Variants in TMTC1 observed in about 807,000 individuals in gnomAD.
TMTC1 encodes the protein transmembrane O-mannosyltransferase targeting cadherins 1.
TMTC1 carries 73 observed loss-of-function variants against 104.8 expected under a neutral mutation model. That is an observed-to-expected ratio of 0.70 (90% CI 0.58 to 0.85). TMTC1 has a LOEUF of 0.85. Among genes scored for constraint, TMTC1 ranks in the 40% least tolerant of loss-of-function variants. The pLI is 0.00. For missense variants in TMTC1, 1,035 were observed against 1,096.1 expected (o/e 0.94, Z 0.79); for synonymous variants, 434 against 428.7 (o/e 1.01, Z -0.15).
intron 5 of TMTC1, among the ~76,000 whole-genome samples, chr12:29,741,455 G>A (rs1044851461): frequency 2.0e-5 from 3 of 152,136 alleles, no homozygotes; most frequent in South Asian, 2.1e-4. Context: ...ATCAAATGAC[G>A]TGAGGCCAAC....
chr12:29,588,974 A>G (rs1234792109), intron 7 of TMTC1, among the ~76,000 whole-genome samples: 1 of 152,192 alleles, frequency 6.6e-6, no homozygotes, highest in Non-Finnish European at 1.5e-5. Flanking sequence ...GCCAAAAGGA[A>G]AAAAAATTAA....
chr12:29,514,810 C>T (rs1343613104), intron 15 of TMTC1, among the ~76,000 whole-genome samples: 3 of 151,966 alleles, frequency 2.0e-5, no homozygotes, highest in Admixed American at 6.6e-5. Flanking sequence ...CCCAGTAGCT[C>T]GAGATCAGTC....
intron 5 of TMTC1, chr12:29,666,303 C>T (rs1254865200): frequency 2.6e-6 from 1 of 381,468 alleles, no homozygotes; most frequent in Non-Finnish European, 5.0e-6. Flanking sequence ...TCTCGGCTCA[C>T]TGCAAGCTCC....
At position 29,718,889 on chromosome 12, in the gene TMTC1, C is replaced by T. The variant is rs938508955; in HGVS notation, c.938+32777G>A. ...CGGAGCTTGCAGTGAGCTGAGATCG[C>T]GCCACTGCACTCCAGCCTGGGTGAC... On this transcript the variant is annotated intron_variant, in intron 5 of 17. Transcript: ENST00000539277. Among the ~76,000 whole-genome samples, 9 of 148,252 alleles carry T rather than the reference C, an allele frequency of 6.1e-5. 1 individual carries two copies. Among genetic ancestry groups the T allele is most frequent in the Non-Finnish European group, 5.9e-5 (4 of 67,488 alleles).
rs79803937 is a variant in TMTC1 at position 29,563,328 on chromosome 12, G to T, written c.1533-6328C>A. Among the ~76,000 whole-genome samples, 1,021 of 152,314 alleles carry T rather than the reference G, an allele frequency of 6.7e-3. 22 individuals carry two copies. The highest frequency in any genetic ancestry group is 0.054 in the East Asian group (281 of 5,178). On this transcript the variant is annotated intron_variant, in intron 9 of 17. Transcript: ENST00000539277. The stretch of plus-strand genomic sequence containing the variant: ...AATCCTGTGTGGTTTCTGTGTGACA[G>T]ATCAGTGTGCACCTGGGATCCTTGT...
At chr12:29,646,262 C>T (rs574277569) in intron 5 of TMTC1, among the ~76,000 whole-genome samples, 103 of 152,276 alleles carry the variant, frequency 6.8e-4, no homozygotes, top group African/African-American at 2.2e-3. Flanking sequence ...TCTCCTCTAA[C>T]GACACATCAA....
At chr12:29,585,055 A>G (rs557388683) in intron 7 of TMTC1, among the ~76,000 whole-genome samples, 24 of 149,824 alleles carry the variant, frequency 1.6e-4, no homozygotes, top group African/African-American at 5.4e-4. Context: ...CAGTCCCACC[A>G]ACAGTGTAAA....
chr12:29,542,830 G>A (rs1431428268), intron 10 of TMTC1, among the ~76,000 whole-genome samples: 1 of 152,112 alleles, frequency 6.6e-6, no homozygotes. Context: ...GCAGGATGGG[G>A]TTGGGCAGAG....
chr12:29,760,058 T>C (rs1305417971), intron 2 of TMTC1, among the ~76,000 whole-genome samples: 2 of 152,162 alleles, frequency 1.3e-5, no homozygotes, highest in Non-Finnish European at 2.9e-5. Flanking sequence ...ACACAAATAC[T>C]TACCATTGTG....
At chr12:29,583,912 G>C (rs1311285237) in intron 7 of TMTC1, among the ~76,000 whole-genome samples, 1 of 152,170 alleles carries the variant, frequency 6.6e-6, no homozygotes, top group Non-Finnish European at 1.5e-5. Flanking sequence ...TCTGACCCAA[G>C]CTCCCTCATG....
chr12:29,649,826 CT>C (rs1318680129), intron 5 of TMTC1, among the ~76,000 whole-genome samples: 1 of 152,174 alleles, frequency 6.6e-6, no homozygotes, highest in African/African-American at 2.4e-5. Flanking sequence ...GTGTTACAAC[CT>C]TCTCAGAAGG....
chr12:29,512,655 GTCTT>G (rs1160395335), intron 16 of TMTC1, among the ~76,000 whole-genome samples: 1 of 152,130 alleles, frequency 6.6e-6, no homozygotes, highest in African/African-American at 2.4e-5. Context: ...TCATTAGACA[GTCTT>G]TTTTCCCCTG....
intron 2 of TMTC1, among the ~76,000 whole-genome samples, chr12:29,764,383 T>C (rs190781091): frequency 3.3e-5 from 5 of 152,282 alleles, no homozygotes; most frequent in African/African-American, 1.2e-4. Flanking sequence ...ATGAGTTCCA[T>C]TAATGTCATA....
At chr12:29,526,451 T>G (rs1944347347) in intron 11 of TMTC1, among the ~76,000 whole-genome samples, 1 of 152,074 alleles carries the variant, frequency 6.6e-6, no homozygotes, top group Non-Finnish European at 1.5e-5. Flanking sequence ...ACTTAAAACA[T>G]TTTAGTGAGA....
chr12:29,587,595 G>A (rs772864685), intron 7 of TMTC1, among the ~76,000 whole-genome samples: 4 of 152,126 alleles, frequency 2.6e-5, no homozygotes, highest in Admixed American at 6.6e-5. Context: ...GCCTCCCGAA[G>A]TACTGGGATT....
chr12:29,667,458 T>C (rs916532844), intron 5 of TMTC1, among the ~76,000 whole-genome samples: 2 of 152,194 alleles, frequency 1.3e-5, no homozygotes, highest in African/African-American at 4.8e-5. Flanking sequence ...TCAATTATCA[T>C]ATATTAAACG....
At chr12:29,636,049 T>C (rs1333661914) in intron 5 of TMTC1, among the ~76,000 whole-genome samples, 1 of 152,192 alleles carries the variant, frequency 6.6e-6, no homozygotes, top group African/African-American at 2.4e-5. Context: ...AGTGTGATAA[T>C]AGTATTGTGG....
intron 5 of TMTC1, among the ~76,000 whole-genome samples, chr12:29,707,230 G>T (rs1941771346): frequency 6.6e-6 from 1 of 152,120 alleles, no homozygotes. Context: ...ATCTGCTTCT[G>T]CCCCCACTAC....
intron 6 of TMTC1, among the ~76,000 whole-genome samples, chr12:29,611,541 T>C (rs560211498): frequency 6.6e-6 from 1 of 152,158 alleles, no homozygotes; most frequent in African/African-American, 2.4e-5. Context: ...ATTAAGTAAA[T>C]TAGAAAAATG....
Sources: allele counts gnomAD v4.1 joint callset (sites outside exome capture counted in the v4.1 genomes callset), GRCh38; gene constraint gnomAD v4.1.1; transcripts MANE v1.5; gene names NCBI Gene and HGNC (gene_info 2026-07-23, HGNC 2026-07-21).